PCDHGB4: variants seen among roughly 807,000 people sequenced by gnomAD.
PCDHGB4 encodes the protein protocadherin gamma-B4.
PCDHGB4 carries 38 observed loss-of-function variants against 60.5 expected under a neutral mutation model. The observed-to-expected ratio is 0.63, with a 90% CI of 0.48 to 0.82. PCDHGB4 has a LOEUF of 0.82. Among genes scored for constraint, PCDHGB4 ranks in the 40% least tolerant of loss-of-function variants. The pLI is 0.00. For synonymous variants in PCDHGB4, 456 were observed against 509.7 expected (o/e 0.89, Z 1.42); for missense variants, 1,109 against 1,209.6 (o/e 0.92, Z 1.23).
intron 1 of PCDHGB4, chr5:141,395,501 A>T: frequency 2.1e-6 from 1 of 467,130 alleles, no homozygotes; most frequent in African/African-American, 2.0e-5. Context: ...TCATTCACTT[A>T]AGAAGTAGCT....
At chr5:141,462,996 G>A (rs2099050826) in intron 1 of PCDHGB4, among the ~76,000 whole-genome samples, 1 of 152,082 alleles carries the variant, frequency 6.6e-6, no homozygotes, top group South Asian at 2.1e-4. Flanking sequence ...GGCTAATTTA[G>A]ACCTACCACT....
chr5:141,477,013 T>C lies in PCDHGB4; in HGVS notation c.2398-17794T>C. ...TGCGGCAACTATTCGCCTTAGACCT[T>C]GTAACCGGGATGCTGACAATCAAGG... On this transcript the variant is annotated intron_variant, in intron 1 of 3. Coordinates refer to ENST00000519479, the MANE Select transcript of PCDHGB4 (RefSeq NM_003736.4). The surrounding 1 kb of genome is among the most constrained non-coding windows in gnomAD (Gnocchi z 4.9). 6.2e-7 allele frequency: 1 copy of C among 1,614,204 alleles called. No homozygotes were observed. The highest frequency in any genetic ancestry group is 8.5e-7 in the Non-Finnish European group (1 of 1,180,028).
At chr5:141,400,883 A>G (rs1017003447) in intron 1 of PCDHGB4, among the ~76,000 whole-genome samples, 1 of 152,232 alleles carries the variant, frequency 6.6e-6, no homozygotes, top group Non-Finnish European at 1.5e-5. Flanking sequence ...AATTTAATGT[A>G]TGTAATCATT....
chr5:141,414,550 G>C, intron 1 of PCDHGB4: 1 of 1,613,948 alleles, frequency 6.2e-7, no homozygotes, highest in Non-Finnish European at 8.5e-7. Context: ...CTTCTCTCAA[G>C]TCTCCTACTT....
chr5:141,409,748 G>A (rs2095311209), intron 1 of PCDHGB4: 1 of 1,613,018 alleles, frequency 6.2e-7, no homozygotes, highest in Non-Finnish European at 8.5e-7. Context: ...GGTGGTGTTC[G>A]CGCAGCGCGC....
intron 1 of PCDHGB4, among the ~76,000 whole-genome samples, chr5:141,453,492 G>T (rs1046043468): frequency 6.6e-6 from 1 of 152,000 alleles, no homozygotes; most frequent in Non-Finnish European, 1.5e-5. Flanking sequence ...AAAAAAAGGT[G>T]TACTCAGAAA....
intron 1 of PCDHGB4, chr5:141,418,087 C>G (rs2096220274): frequency 6.2e-7 from 1 of 1,613,894 alleles, no homozygotes; most frequent in African/African-American, 1.3e-5. Context: ...TGCACTTCAG[C>G]GTAGACGCGC....
intron 1 of PCDHGB4, chr5:141,398,685 G>T: frequency 6.2e-7 from 1 of 1,613,966 alleles, no homozygotes; most frequent in Non-Finnish European, 8.5e-7. Flanking sequence ...AGGAGAAACA[G>T]GATGGTAGTA....
intron 1 of PCDHGB4, chr5:141,394,201 A>G (rs764975219): frequency 2.5e-6 from 4 of 1,613,874 alleles, no homozygotes; most frequent in Admixed American, 1.7e-5. Context: ...TATATCCTAG[A>G]GAACAACCTG....
At position 141,389,440 on chromosome 5, in the gene PCDHGB4, A is replaced by C. The variant is rs769871337; in HGVS notation, c.1556A>C (p.Asp519Ala). ...SGVVFAQRAF[D>A]HEQLRAFELT... ...GTGGTGTTCGCGCAGCGCGCCTTCG[A>C]CCACGAGCAGCTGCGCGCCTTCGAA... The change falls in exon 1 of 4, where the codon GAC becomes GCC. Residue 519 changes from aspartate to alanine, a missense_variant. Asp to Ala is a moderately radical substitution (Grantham distance 126). Transcript: ENST00000519479. The C allele has an allele frequency of 1.9e-6, 3 of 1,610,596 alleles. No individual in the cohort carries two copies. The highest frequency in any genetic ancestry group is 2.5e-6 in the Non-Finnish European group (3 of 1,178,370).
chr5:141,473,680 C>T (rs888876529), intron 1 of PCDHGB4, among the ~76,000 whole-genome samples: 3 of 152,100 alleles, frequency 2.0e-5, no homozygotes, highest in Non-Finnish European at 2.9e-5. Flanking sequence ...CAGGGAAGGG[C>T]TGGGGTTCTG....
rs77983663 is a variant in PCDHGB4, at chr5:141,504,853, C to T, written c.2457-540C>T. 2.8e-4 allele frequency among the ~76,000 whole-genome samples: 42 copies of T among 152,214 alleles called. No homozygotes were observed. In the East Asian group the frequency reaches 7.7e-3, roughly 28 times the overall value. On this transcript the variant is annotated intron_variant, in intron 2 of 3. Transcript: ENST00000519479. ...TTCTCTAGCTCTGGAACATTCTCTT[C>T]CATTTCCCACCTTCACAGTCCTCTG... is the stretch of plus-strand genomic sequence containing the variant.
chr5:141,462,512 A>C (rs1169461013), intron 1 of PCDHGB4, among the ~76,000 whole-genome samples: 1 of 152,106 alleles, frequency 6.6e-6, no homozygotes, highest in Non-Finnish European at 1.5e-5. Flanking sequence ...AACTAGATCA[A>C]GTTAGTAAGA....
intron 1 of PCDHGB4, among the ~76,000 whole-genome samples, chr5:141,437,886 C>A (rs763669578): frequency 6.6e-6 from 1 of 152,022 alleles, no homozygotes; most frequent in Non-Finnish European, 1.5e-5. Flanking sequence ...TACAGGCACA[C>A]GCCACCACAC....
intron 1 of PCDHGB4, among the ~76,000 whole-genome samples, chr5:141,452,745 G>A (rs1246578948): frequency 6.6e-6 from 1 of 152,054 alleles, no homozygotes; most frequent in African/African-American, 2.4e-5. Flanking sequence ...AGAGAGAGAA[G>A]GAAGAAGGAA....
At chr5:141,435,877 G>A (rs1554127514) in intron 1 of PCDHGB4, among the ~76,000 whole-genome samples, 1 of 152,092 alleles carries the variant, frequency 6.6e-6, no homozygotes, top group Non-Finnish European at 1.5e-5. Flanking sequence ...AAAAGAGATT[G>A]GAAACCCCTT....
intron 1 of PCDHGB4, among the ~76,000 whole-genome samples, chr5:141,397,443 A>G (rs1307784938): frequency 6.6e-6 from 1 of 152,244 alleles, no homozygotes; most frequent in African/African-American, 2.4e-5. Flanking sequence ...TATGTGTAAT[A>G]TAAAACACTA....
rs984222446 is a variant in PCDHGB4 at position 141,493,942 on chromosome 5, G to T, written c.2398-865G>T. ...ACACACCCCCTGGAAAGACCAGAAG[G>T]GACTCAGGAATGAAGTGGCTGGCCA... On this transcript the variant is annotated intron_variant, in intron 1 of 3. Transcript: ENST00000519479. The surrounding 1 kb of genome is among the most constrained non-coding windows in gnomAD (Gnocchi z 4.3). Among the ~76,000 whole-genome samples the T allele has an allele frequency of 1.3e-5, 2 of 152,168 alleles. No individual in the cohort carries two copies. Among genetic ancestry groups the T allele is most frequent in the Non-Finnish European group, 1.5e-5 (1 of 68,022 alleles).
rs140933475 is a variant in PCDHGB4 at position 141,477,405 on chromosome 5, G to A, written c.2398-17402G>A. The A allele has an allele frequency of 3.8e-4, 608 of 1,614,076 alleles. No individual in the cohort carries two copies. The highest frequency in any genetic ancestry group is 4.6e-4 in the Non-Finnish European group (540 of 1,180,022). On this transcript the variant is annotated intron_variant, in intron 1 of 3. Transcript: ENST00000519479. This position sits in a 1 kb window ranked among gnomAD's most constrained non-coding sequence, Gnocchi z 4.9. ...GAATACAACCTCAGCATCACCGCCC[G>A]AGACGCCGGAACCCCTTCCCTCTCA...
Sources: gnomAD v4.1 joint callset for allele counts (sites outside exome capture counted in the v4.1 genomes callset) on GRCh38, gnomAD v4.1.1 for gene constraint, Gnocchi (gnomAD v3.1) non-coding constraint, MANE v1.5 for transcripts, NCBI Gene and HGNC (gene_info 2026-07-23, HGNC 2026-07-21) for gene names.